Variants in RNASE9 observed in about 807,000 individuals in gnomAD.
The protein encoded by RNASE9 is inactive ribonuclease-like protein 9.
For missense variants in RNASE9, 263 were observed against 247.1 expected, an observed-to-expected ratio of 1.06 and a Z score of -0.43; for synonymous variants, 95 against 87.6, an observed-to-expected ratio of 1.08 and a Z score of -0.47.
intron 1 of RNASE9, among the ~76,000 whole-genome samples, chr14:20,559,952 G>A (rs1883887192): frequency 6.6e-6 from 1 of 152,118 alleles, no homozygotes; most frequent in Non-Finnish European, 1.5e-5. Context: ...ATTGCAGACT[G>A]AGAAAGGCCT....
At chr14:20,557,597 C>T (rs1883759677) in exon 3 of RNASE9, 1 of 153,522 alleles carries the variant, frequency 6.5e-6, no homozygotes, top group Admixed American at 6.5e-5. Context: ...TTTCTTTCTC[C>T]TCTTGCCCTT....
intron 1 of RNASE9, chr14:20,560,284 G>A (rs561447156): frequency 1.4e-4 from 22 of 151,966 alleles, no homozygotes; most frequent in African/African-American, 5.3e-4. Flanking sequence ...CTCAATCACA[G>A]AAGGAAAAAC....
At chr14:20,558,376 A>G in exon 3 of RNASE9, 1 of 676,118 alleles carries the variant, frequency 1.5e-6, no homozygotes, top group East Asian at 2.7e-5. Flanking sequence ...GTTGGGGAAC[A>G]CATCAGAAAG....
intron 1 of RNASE9, among the ~76,000 whole-genome samples, chr14:20,559,923 A>T (rs1156245622): frequency 6.6e-6 from 1 of 152,108 alleles, no homozygotes; most frequent in African/African-American, 2.4e-5. Context: ...CTTGCTTGGA[A>T]GGTTTATTGT....
rs36119373 is a variant in RNASE9 at position 20,559,123 on chromosome 14, GTT to G, written c.-1582+457_-1582+458del. Among the ~76,000 whole-genome samples, 3 of 144,010 alleles carry G rather than the reference GTT, an allele frequency of 2.1e-5. No homozygotes were observed. The East Asian group carries it at 6.0e-4, about 29-fold the overall frequency. The allele number at this position is 144,010 out of a possible 152,430, so 94.5% of individuals were successfully genotyped here. ...CTGTTTTACTTATTATCATTTTACT[GTT>G]TTTTTTTTTAAGAGTCATGGTCTCA... On this transcript the variant is annotated intron_variant, in intron 2 of 2. Coordinates refer to ENST00000555230, the Ensembl canonical transcript of RNASE9.
At chr14:20,558,084 G>A (rs775386147) in exon 3 of RNASE9, 6 of 234,860 alleles carry the variant, frequency 2.6e-5, no homozygotes, top group East Asian at 9.8e-5. Context: ...GTGCTAAAAC[G>A]GAATTTGAGC....
chr14:20,557,008 A>C, exon 3 of RNASE9: 3 of 1,613,320 alleles, frequency 1.9e-6, no homozygotes, highest in Non-Finnish European at 2.5e-6. Flanking sequence ...CACCAGCTGC[A>C]GCAGCTGCTG....
chr14:20,556,783 T>C, exon 3 of RNASE9: 2 of 1,613,866 alleles, frequency 1.2e-6, no homozygotes, highest in Non-Finnish European at 1.7e-6. Flanking sequence ...CACCCAACGG[T>C]GTTTGTAGTA....
In RNASE9 at chr14:20,556,593, AT is replaced by A; in HGVS notation, c.476del (p.Tyr159LeufsTer24). Reference sequence around the variant, plus strand: ...AAGTGATAAGGACGTAGCCCTTCCTATAAAGTGATTCGTATTTACACGCTGG... The same window carrying A: ...AAGTGATAAGGACGTAGCCCTTCCTAAAAGTGATTCGTATTTACACGCTGG... On this transcript the variant is annotated frameshift_variant, in exon 3 of 3. Transcript: ENST00000555230. LOFTEE classifies it low-confidence loss of function (END_TRUNC). 6.2e-7 allele frequency: 1 copy of A among 1,613,936 alleles called. No individual in the cohort carries two copies. The highest frequency in any genetic ancestry group is 2.2e-5 in the East Asian group (1 of 44,872).
At chr14:20,558,095 C>G in exon 3 of RNASE9, 1 of 254,312 alleles carries the variant, frequency 3.9e-6, no homozygotes, top group South Asian at 5.3e-5. Context: ...GAATTTGAGC[C>G]CCTAGAGTGC....
exon 3 of RNASE9, chr14:20,558,301 G>T: frequency 1.7e-6 from 1 of 594,698 alleles, no homozygotes; most frequent in South Asian, 2.0e-5. Flanking sequence ...TTCTAGGCTG[G>T]ATACTAAGTT....
intron 1 of RNASE9, among the ~76,000 whole-genome samples, chr14:20,560,070 G>A (rs1489556657): frequency 6.6e-6 from 1 of 152,118 alleles, no homozygotes; most frequent in Non-Finnish European, 1.5e-5. Context: ...AAAAAGAAAA[G>A]ATTGGAATGA....
intron 2 of RNASE9, among the ~76,000 whole-genome samples, chr14:20,558,856 A>G (rs1221897555): frequency 1.3e-5 from 2 of 152,154 alleles, no homozygotes; most frequent in Admixed American, 6.5e-5. Flanking sequence ...AAGTATGTGA[A>G]TTTTTTAAAT....
Position 20,556,541 on chromosome 14 carries a change from G to A in RNASE9, c.529C>T (p.Arg177Cys), listed in dbSNP as rs139929154. 45 of 1,613,584 alleles carry A rather than the reference G, an allele frequency of 2.8e-5. No homozygotes were observed. The highest frequency in any genetic ancestry group is 3.3e-4 in the Middle Eastern group (2 of 6,082). ...AGATCATTTATAGTATGAGGAATAC[G>A]TTTTTGCATTTCATTTTGCCATGAA... The change falls in exon 3 of 3, where the codon CGT (arginine) becomes TGT (cysteine). Residue 177 changes from arginine to cysteine, a missense_variant. Physicochemically the swap from Arg to Cys is radical, Grantham distance 180. Transcript: ENST00000555230.
At chr14:20,556,170 C>A (rs1883675592) in exon 3 of RNASE9, 2 of 343,554 alleles carry the variant, frequency 5.8e-6, no homozygotes, top group Non-Finnish European at 1.1e-5. Context: ...CTTCAGGCAA[C>A]CATTTCCTTT....
exon 3 of RNASE9, chr14:20,558,411 G>C (rs566265586): frequency 2.8e-6 from 2 of 716,372 alleles, no homozygotes; most frequent in Non-Finnish European, 5.2e-6. Context: ...TTGAGCATAG[G>C]AGTGCAGAGA....
At chr14:20,560,804 T>C (rs1446739971) in intron 1 of RNASE9, 70 bp downstream of exon 1, 2 of 152,122 alleles carry the variant, frequency 1.3e-5, no homozygotes, top group Non-Finnish European at 2.9e-5. Flanking sequence ...AGATATGAAA[T>C]ATTTTGTGAT....
exon 3 of RNASE9, chr14:20,556,970 C>G: frequency 6.2e-7 from 1 of 1,614,058 alleles, no homozygotes; most frequent in Non-Finnish European, 8.5e-7. Flanking sequence ...TCTGGGAAAT[C>G]AAAATCTGTA....
chr14:20,556,870 C>T (rs745354673), exon 3 of RNASE9: 2 of 1,614,166 alleles, frequency 1.2e-6, no homozygotes, highest in South Asian at 1.1e-5. Context: ...AAGGACACGT[C>T]TTTTGACTTT....
Sources: allele counts gnomAD v4.1 joint callset (sites outside exome capture counted in the v4.1 genomes callset), GRCh38; gene constraint gnomAD v4.1.1; transcripts MANE v1.5; gene names NCBI Gene and HGNC (gene_info 2026-07-23, HGNC 2026-07-21).